Variants in ZNF610 observed in about 807,000 individuals in gnomAD.
ZNF610 encodes zinc finger protein 610, also known as zink finger protein.
In ZNF610, 14 loss-of-function variants were observed where a neutral mutation model predicts 14.1. The observed-to-expected ratio is 0.99, with a 90% CI of 0.65 to 1.55. The LOEUF (loss-of-function observed/expected upper bound fraction) is 1.55, where lower values mean the gene tolerates loss of function less well. Ranked by LOEUF, ZNF610 falls within the 40% of genes most tolerant of loss-of-function variation. ZNF610 has a pLI of 0.00. For synonymous variants in ZNF610, 185 were observed against 187.6 expected (o/e 0.99, Z 0.11); for missense variants, 530 against 558.0 (o/e 0.95, Z 0.51).
chr19:52,341,332 A>G (rs1307932777), intron 1 of ZNF610, among the ~76,000 whole-genome samples: 1 of 151,868 alleles, frequency 6.6e-6, no homozygotes, highest in Non-Finnish European at 1.5e-5. Flanking sequence ...TTTTTTTGAG[A>G]CAGAGTCTCG....
chr19:52,331,328 A>G (rs571690954), upstream of ZNF610, among the ~76,000 whole-genome samples: 1 of 152,322 alleles, frequency 6.6e-6, no homozygotes, highest in East Asian at 1.9e-4. Flanking sequence ...GCAGTCCCCA[A>G]TAACACATTG....
At chr19:52,335,227 C>T (rs1215758226), upstream of ZNF610, among the ~76,000 whole-genome samples, 1 of 152,062 alleles carries the variant, frequency 6.6e-6, no homozygotes, top group Non-Finnish European at 1.5e-5. Context: ...ATGGCGTGAA[C>T]CCAGGAGGCG....
At chr19:52,331,073 G>A in the ZNF610 span, among the ~76,000 whole-genome samples, 1 of 152,184 alleles carries the variant, frequency 6.6e-6, no homozygotes, top group Admixed American at 6.5e-5. Flanking sequence ...GCTGCACAGT[G>A]CTGCTTCCTT....
intron 1 of ZNF610, among the ~76,000 whole-genome samples, chr19:52,338,635 C>A (rs528023136): frequency 2.0e-5 from 3 of 152,138 alleles, no homozygotes; most frequent in Admixed American, 6.5e-5. Flanking sequence ...GGGCCAAGAT[C>A]GCACCACTGC....
At chr19:52,334,204 G>T (rs1984267053), upstream of ZNF610, among the ~76,000 whole-genome samples, 2 of 152,112 alleles carry the variant, frequency 1.3e-5, no homozygotes, top group African/African-American at 4.8e-5. Flanking sequence ...CTAAAATAAA[G>T]TGTATTAGTT....
chr19:52,337,186 G>T (rs1198959918), intron 1 of ZNF610, among the ~76,000 whole-genome samples: 1 of 151,800 alleles, frequency 6.6e-6, no homozygotes, highest in Non-Finnish European at 1.5e-5. Context: ...GACAGAGTAG[G>T]GGAGAGGAGG....
chr19:52,360,922 A>T (rs2247987), intron 5 of ZNF610, among the ~76,000 whole-genome samples: 27,697 of 152,130 alleles, frequency 0.18, 2,864 homozygotes, highest in East Asian at 0.32. Context: ...ATTGAATGAG[A>T]GAGGGAGTGT....
In ZNF610 at chr19:52,353,827, C is replaced by G. The variant is rs1455379993; in HGVS notation, c.190+19C>G. 1 of 1,604,374 alleles carries G rather than the reference C, an allele frequency of 6.2e-7. No homozygotes were observed. The highest frequency in any genetic ancestry group is 2.2e-5 in the East Asian group (1 of 44,754). On this transcript the variant is annotated intron_variant, in intron 4 of 5. Coordinates refer to ENST00000403906, the MANE Select transcript of ZNF610 (RefSeq NM_001161425.2). ...TTTCTGGGTGAGGATGACTTCCCTC[C>G]AGAAGCCGGGATCTGCTCTAATCTG...
chr19:52,355,148 A>ACAT (rs1985465573), intron 5 of ZNF610, among the ~76,000 whole-genome samples: 1 of 152,064 alleles, frequency 6.6e-6, no homozygotes, highest in Non-Finnish European at 1.5e-5. Context: ...GAACACAGGG[A>ACAT]GCATTGTTGC....
intron 5 of ZNF610, among the ~76,000 whole-genome samples, chr19:52,355,149 G>GATTCTGAAGAACA (rs1985465832): frequency 6.6e-6 from 1 of 152,144 alleles, no homozygotes; most frequent in Non-Finnish European, 1.5e-5. Flanking sequence ...AACACAGGGA[G>GATTCTGAAGAACA]CATTGTTGCC....
chr19:52,357,611 C>T (rs1228464327), intron 5 of ZNF610, among the ~76,000 whole-genome samples: 1 of 126,822 alleles, frequency 7.9e-6, no homozygotes, highest in East Asian at 2.2e-4. Context: ...TGCCACTGCA[C>T]TCCAGCCTGG....
intron 5 of ZNF610, among the ~76,000 whole-genome samples, chr19:52,362,169 G>A (rs1212870985): frequency 2.6e-5 from 4 of 152,062 alleles, no homozygotes; most frequent in African/African-American, 7.2e-5. Context: ...CCAGCACTTC[G>A]GGAGGCCGAG....
intron 1 of ZNF610, 75 bp from the exon 2 acceptor site, chr19:52,347,632 A>G (rs1301847108): frequency 6.6e-6 from 1 of 152,098 alleles, no homozygotes; most frequent in African/African-American, 2.4e-5. Context: ...TCGTCCCACC[A>G]CAGCCTCCTG....
chr19:52,340,089 T>C (rs1448264288), intron 1 of ZNF610, among the ~76,000 whole-genome samples: 1 of 152,206 alleles, frequency 6.6e-6, no homozygotes, highest in Non-Finnish European at 1.5e-5. Flanking sequence ...GACACACAGC[T>C]GCGAGCGTGC....
At chr19:52,360,414 T>C (rs1489159960) in intron 5 of ZNF610, among the ~76,000 whole-genome samples, 1 of 152,236 alleles carries the variant, frequency 6.6e-6, no homozygotes, top group Non-Finnish European at 1.5e-5. Context: ...GGAACCAGTC[T>C]TCCCTGGACA....
At chr19:52,359,818 C>T (rs886970917) in intron 5 of ZNF610, among the ~76,000 whole-genome samples, 8 of 152,274 alleles carry the variant, frequency 5.3e-5, no homozygotes, top group Non-Finnish European at 8.8e-5. Context: ...CCACCAGTTA[C>T]GAGTCTGGGC....
chr19:52,336,213 GCTCT>G (rs967499761), upstream of ZNF610: 32 of 206,484 alleles, frequency 1.5e-4, no homozygotes, highest in Middle Eastern at 1.1e-3. Context: ...GTCCCGGTCC[GCTCT>G]CTATGCTGCG....
At chr19:52,357,943 A>G (rs1167675342) in intron 5 of ZNF610, among the ~76,000 whole-genome samples, 1 of 152,168 alleles carries the variant, frequency 6.6e-6, no homozygotes, top group Non-Finnish European at 1.5e-5. Flanking sequence ...CATGTGTGTG[A>G]GTTCCTGCTC....
intron 4 of ZNF610, 97 bp downstream of exon 4, chr19:52,353,905 A>G: frequency 6.9e-7 from 1 of 1,444,942 alleles, no homozygotes. Context: ...TGCTTAACTG[A>G]GGTAGAAACC....
Sources: allele counts gnomAD v4.1 joint callset (sites outside exome capture counted in the v4.1 genomes callset), GRCh38; gene constraint gnomAD v4.1.1; transcripts MANE v1.5; gene names NCBI Gene and HGNC (gene_info 2026-07-23, HGNC 2026-07-21).